Variants in DLG2 observed in about 807,000 individuals in gnomAD.
DLG2 encodes discs large MAGUK scaffold protein 2.
In DLG2, 45 loss-of-function variants were observed where a neutral mutation model predicts 132.5. The observed-to-expected ratio is 0.34, with a 90% CI of 0.27 to 0.44. DLG2 has a LOEUF of 0.44. DLG2 is among the 20% of genes least tolerant of loss of function. The pLI is 1.00. For missense variants in DLG2, 1,045 were observed against 1,196.9 expected (o/e 0.87, Z 1.87); for synonymous variants, 424 against 419.6 (o/e 1.01, Z -0.13).
At chr11:85,453,651 C>T (rs950331081) in intron 3 of DLG2, 1 of 152,810 alleles carries the variant, frequency 6.5e-6, no homozygotes, top group Admixed American at 6.5e-5. Flanking sequence ...GCATCAAGCT[C>T]TCCAAGAGTG....
rs568017138 is a variant in DLG2 at position 84,904,914 on chromosome 11, T to C, written c.357+206747A>G. Among the ~76,000 whole-genome samples the C allele has an allele frequency of 3.3e-5, 5 of 152,306 alleles. No homozygotes were observed. In the South Asian group the frequency reaches 1.0e-3, roughly 32 times the overall value. On this transcript the variant is annotated intron_variant, in intron 6 of 27. Transcript: ENST00000376104. ...GTATATCTCTATAAAGCCAACTGGC[T>C]TGACCTGAATTTTTTGTTTTGTTTT...
chr11:84,541,707 T>C (rs1277243400), intron 6 of DLG2, among the ~76,000 whole-genome samples: 1 of 152,138 alleles, frequency 6.6e-6, no homozygotes, highest in Admixed American at 6.6e-5. Context: ...TTTAACTGAA[T>C]TAAACTGTAA....
chr11:85,368,868 G>A (rs561583331), intron 3 of DLG2, among the ~76,000 whole-genome samples: 1 of 152,360 alleles, frequency 6.6e-6, no homozygotes, highest in Non-Finnish European at 1.5e-5. Context: ...CAGCAGAGAG[G>A]AGACTGACCC....
chr11:83,834,919 T>C lies in DLG2; in HGVS notation c.1566-1149A>G, dbSNP rs901734723. On this transcript the variant is annotated intron_variant, in intron 16 of 27. Transcript: ENST00000376104. ...CCAAACATCTCAGTTCATCTTCTAT[T>C]TTCCAGCTCTTAATGATGTAAGAAT... 2.0e-5 allele frequency among the ~76,000 whole-genome samples: 3 copies of C among 152,216 alleles called. No individual in the cohort carries two copies. In the South Asian group the frequency reaches 6.2e-4, roughly 32 times the overall value.
At chr11:84,921,936 GAA>G (rs1350916045) in intron 6 of DLG2, among the ~76,000 whole-genome samples, 1 of 152,024 alleles carries the variant, frequency 6.6e-6, no homozygotes, top group Non-Finnish European at 1.5e-5. Flanking sequence ...AAATTCTATA[GAA>G]CTCTGCAAAA....
chr11:85,320,182 G>A lies in DLG2; in HGVS notation c.41-34817C>T, dbSNP rs538786762. Among the ~76,000 whole-genome samples, 11 of 152,032 alleles carry A rather than the reference G, an allele frequency of 7.2e-5. No homozygotes were observed. The South Asian group carries it at 1.7e-3, about 23-fold the overall frequency. The stretch of plus-strand genomic sequence containing the variant: ...TGTGATAAAAATATTGGTGAAAGGA[G>A]TGAAAGCTCAAAGAATGAAAATTTA... On this transcript the variant is annotated intron_variant, in intron 3 of 27. Transcript: ENST00000376104.
intron 5 of DLG2, among the ~76,000 whole-genome samples, chr11:85,120,049 G>C (rs1316471305): frequency 6.6e-6 from 1 of 152,030 alleles, no homozygotes; most frequent in Non-Finnish European, 1.5e-5. Context: ...ACATTGGATA[G>C]TGTTTTCTGA....
chr11:85,041,573 C>T (rs2061870859), intron 6 of DLG2, among the ~76,000 whole-genome samples: 2 of 151,822 alleles, frequency 1.3e-5, no homozygotes, highest in Non-Finnish European at 2.9e-5. Flanking sequence ...TGGGCTTCCA[C>T]ATAGAAAATG....
chr11:83,980,761 C>A lies in DLG2; in HGVS notation c.920-119G>T, dbSNP rs984400606. ...ATGAATCCTCAACTTATTGTAACAG[C>A]AATAAATAACACTAAAAACTGTATT... On this transcript the variant is annotated intron_variant, in intron 11 of 27. Transcript: ENST00000376104. The A allele has an allele frequency of 4.3e-6, 4 of 925,440 alleles. No individual in the cohort carries two copies. In the African/African-American group the frequency reaches 5.2e-5, roughly 12 times the overall value. The allele number at this position is 925,440 out of a possible 1,614,324, so 57.3% of individuals were successfully genotyped here. A position where few individuals can be genotyped will look rare whatever the true frequency, so the allele number is the denominator to read the frequency against.
intron 6 of DLG2, among the ~76,000 whole-genome samples, chr11:85,015,426 A>C (rs1254112574): frequency 6.6e-6 from 1 of 151,762 alleles, no homozygotes; most frequent in Admixed American, 6.6e-5. Context: ...AAAAAAAAAA[A>C]AAACTTGGCA....
intron 7 of DLG2, among the ~76,000 whole-genome samples, chr11:84,435,068 T>G (rs753694715): frequency 6.6e-6 from 1 of 152,104 alleles, no homozygotes; most frequent in African/African-American, 2.4e-5. Context: ...CAAAATTCAA[T>G]AATAATCTTA....
At chr11:85,287,392 C>T (rs1464008104) in intron 3 of DLG2, among the ~76,000 whole-genome samples, 1 of 152,008 alleles carries the variant, frequency 6.6e-6, no homozygotes, top group African/African-American at 2.4e-5. Context: ...AAAAGAAATA[C>T]ATGTCACAGA....
At chr11:84,604,112 A>C (rs182203482) in intron 6 of DLG2, among the ~76,000 whole-genome samples, 4 of 152,116 alleles carry the variant, frequency 2.6e-5, no homozygotes, top group African/African-American at 9.6e-5. Flanking sequence ...AAATAAGGAT[A>C]GTGTATCTAA....
intron 6 of DLG2, among the ~76,000 whole-genome samples, chr11:84,714,567 CTCTTTCTCTTTCTCTTTCTCTTTCTCTT>C (rs1210050530): frequency 7.5e-5 from 9 of 120,138 alleles, no homozygotes; most frequent in East Asian, 7.4e-4. Flanking sequence ...CTTTCTCTTT[CTCTTTCTCTTTCTCTTTCTCTTTCTCTT>C]TCTTTCTCTT....
chr11:85,021,116 C>T (rs2060026402), intron 6 of DLG2: 1 of 786,170 alleles, frequency 1.3e-6, no homozygotes, highest in South Asian at 1.3e-5. Context: ...CCTGAAGAGT[C>T]ATCTGCTTTC....
intron 9 of DLG2, among the ~76,000 whole-genome samples, chr11:84,102,070 T>A (rs568186973): frequency 5.9e-5 from 9 of 152,308 alleles, no homozygotes; most frequent in Admixed American, 5.2e-4. Flanking sequence ...CACATCGCCT[T>A]CTTGACTATT....
chr11:84,736,526 T>C (rs993198084), intron 6 of DLG2, among the ~76,000 whole-genome samples: 11 of 151,982 alleles, frequency 7.2e-5, no homozygotes, highest in African/African-American at 2.7e-4. Context: ...TAGCAAAGTA[T>C]CTGTCTACTT....
At chr11:84,572,391 C>T (rs1473134559) in intron 6 of DLG2, among the ~76,000 whole-genome samples, 4 of 152,074 alleles carry the variant, frequency 2.6e-5, no homozygotes, top group Non-Finnish European at 4.4e-5. Flanking sequence ...TTCAAGAAGC[C>T]TTGCTTCTTC....
intron 11 of DLG2, among the ~76,000 whole-genome samples, chr11:84,026,880 G>A (rs997517184): frequency 3.3e-5 from 5 of 152,120 alleles, no homozygotes; most frequent in Non-Finnish European, 7.4e-5. Context: ...GGGCATGAAA[G>A]AGTTGTGTAC....
Sources: gnomAD v4.1 joint callset for allele counts (sites outside exome capture counted in the v4.1 genomes callset) on GRCh38, gnomAD v4.1.1 for gene constraint, MANE v1.5 for transcripts, NCBI Gene and HGNC (gene_info 2026-07-23, HGNC 2026-07-21) for gene names.